Variants in AXDND1 observed in about 807,000 individuals in gnomAD.
The protein encoded by AXDND1 is axonemal dynein light chain domain containing 1, also known as axonemal dynein light chain domain-containing protein 1.
AXDND1 carries 110 observed loss-of-function variants against 137.5 expected under a neutral mutation model. That is an observed-to-expected ratio of 0.80 (90% CI 0.69 to 0.94). The LOEUF is 0.94. Among genes scored for constraint, AXDND1 ranks in the 40% least tolerant of loss-of-function variants. The pLI is 0.00. For missense variants in AXDND1, 1,191 were observed against 1,169.8 expected (o/e 1.02, Z -0.26); for synonymous variants, 414 against 399.7 (o/e 1.04, Z -0.43).
chr1:179,390,466 T>C (rs547027680), intron 9 of AXDND1, among the ~76,000 whole-genome samples: 63 of 152,350 alleles, frequency 4.1e-4, no homozygotes, highest in African/African-American at 1.5e-3. Context: ...TAAATAGTTG[T>C]CGTTTTACAT....
intron 11 of AXDND1, among the ~76,000 whole-genome samples, chr1:179,396,935 C>T (rs1484416450): frequency 6.6e-6 from 1 of 152,160 alleles, no homozygotes; most frequent in East Asian, 1.9e-4. Context: ...TTTCTTTATC[C>T]AGCCTGCAAC....
chr1:179,421,298 G>A (rs1354755853), intron 12 of AXDND1, among the ~76,000 whole-genome samples: 1 of 146,566 alleles, frequency 6.8e-6, no homozygotes, highest in East Asian at 2.0e-4. Context: ...TTGGTTATTT[G>A]GGGTCTTTTG....
chr1:179,412,975 G>T (rs1274266653), intron 12 of AXDND1, among the ~76,000 whole-genome samples: 1 of 152,006 alleles, frequency 6.6e-6, no homozygotes, highest in Non-Finnish European at 1.5e-5. Context: ...TTTGTTTAGA[G>T]TTTAATCATA....
chr1:179,505,973 T>C (rs1243404222), intron 20 of AXDND1, among the ~76,000 whole-genome samples: 4 of 152,190 alleles, frequency 2.6e-5, no homozygotes, highest in Non-Finnish European at 4.4e-5. Context: ...ACTGATGTCA[T>C]TGTATAGCAA....
chr1:179,543,154 G>T (rs1044558702), intron 25 of AXDND1: 1 of 152,184 alleles, frequency 6.6e-6, no homozygotes, highest in African/African-American at 2.4e-5. Flanking sequence ...TTGTGGTAAC[G>T]GCAGGAGCCT....
chr1:179,548,045 TGGTGGGAATCAAAAACA>T (rs371062675), intron 25 of AXDND1, among the ~76,000 whole-genome samples: 47 of 152,288 alleles, frequency 3.1e-4, no homozygotes, highest in African/African-American at 9.6e-4. Flanking sequence ...TGTTATATCA[TGGTGGGAATCAAAAACA>T]GGAGACCATA....
intron 2 of AXDND1, 77 bp from the exon 3 acceptor site, chr1:179,368,723 G>T: frequency 8.6e-7 from 1 of 1,168,884 alleles, no homozygotes; most frequent in Non-Finnish European, 1.2e-6. Context: ...AGATGGGATT[G>T]ATGAGGCAGT....
intron 12 of AXDND1, among the ~76,000 whole-genome samples, chr1:179,415,310 C>T (rs2125239059): frequency 6.6e-6 from 1 of 152,244 alleles, no homozygotes; most frequent in African/African-American, 2.4e-5. Context: ...CCACTGCACT[C>T]CAGCCTGGGC....
chr1:179,395,140 G>A lies in AXDND1; in HGVS notation c.1047G>A (p.Lys349=), dbSNP rs1650845430. 1 of 1,613,374 alleles carries A rather than the reference G, an allele frequency of 6.2e-7. No individual in the cohort carries two copies. ...GGGCACATGATGTGAAATTAACAAA[G>A]GAAACAGAAAAAGCCCACAAGGATT... ...LVRAHDVKLT[K]ETEKAHKDLA... Residue 349 remains lysine, a synonymous_variant, in exon 11 of 26, where the codon AAG becomes AAA. Transcript: ENST00000367618.
chr1:179,416,097 C>G (rs1654661334), intron 12 of AXDND1, among the ~76,000 whole-genome samples: 1 of 152,146 alleles, frequency 6.6e-6, no homozygotes, highest in Admixed American at 6.6e-5. Context: ...TTCTCTCTCT[C>G]CTACCCTTCC....
chr1:179,451,441 A>C (rs911210217), intron 16 of AXDND1: 1 of 151,896 alleles, frequency 6.6e-6, no homozygotes, highest in Non-Finnish European at 1.5e-5. Context: ...TTGAGTCTTA[A>C]TTTTTTCTTG....
At chr1:179,508,761 G>A (rs1387134831) in intron 20 of AXDND1, among the ~76,000 whole-genome samples, 2 of 151,842 alleles carry the variant, frequency 1.3e-5, no homozygotes, top group Non-Finnish European at 1.5e-5. Context: ...TAGAATCCAA[G>A]CATCATACTT....
At chr1:179,507,026 A>G (rs1668605262) in intron 20 of AXDND1, 2 of 444,774 alleles carry the variant, frequency 4.5e-6, no homozygotes, top group South Asian at 9.3e-5. Flanking sequence ...CTGGTACCCT[A>G]TAAAAGACTC....
intron 16 of AXDND1, among the ~76,000 whole-genome samples, chr1:179,458,383 A>G (rs935936544): frequency 6.6e-6 from 1 of 152,200 alleles, no homozygotes; most frequent in Non-Finnish European, 1.5e-5. Flanking sequence ...TTAGAACAAT[A>G]TGGAAAATCC....
intron 17 of AXDND1, among the ~76,000 whole-genome samples, chr1:179,474,182 A>C (rs1321319205): frequency 6.7e-6 from 1 of 148,360 alleles, no homozygotes; most frequent in Non-Finnish European, 1.5e-5. Flanking sequence ...CCGAGTTCAC[A>C]CTCCAGCCTG....
At chr1:179,411,085 AT>A (rs1203169216) in intron 11 of AXDND1, 60 bp from the exon 12 acceptor site, 3 of 1,329,916 alleles carry the variant, frequency 2.3e-6, no homozygotes, top group Non-Finnish European at 3.1e-6. Flanking sequence ...TTTTTAAAAA[AT>A]ATATGTGTCT....
intron 25 of AXDND1, chr1:179,545,331 A>G (rs978429347): frequency 6.6e-6 from 1 of 152,174 alleles, no homozygotes; most frequent in Non-Finnish European, 1.5e-5. Context: ...TAGAGTCCCC[A>G]TCTTTATTTA....
In AXDND1 at chr1:179,525,351, C is replaced by A. The variant is rs746509366; in HGVS notation, c.2514C>A (p.Phe838Leu). The A allele has an allele frequency of 1.9e-6, 3 of 1,611,006 alleles. No individual in the cohort carries two copies. The highest frequency in any genetic ancestry group is 2.2e-5 in the South Asian group (2 of 90,744). Residue 838 changes from phenylalanine (F) to leucine (L), a missense_variant, in exon 22 of 26, where the codon TTC (phenylalanine) becomes TTA (leucine). Coordinates refer to ENST00000367618, the MANE Select transcript of AXDND1 (RefSeq NM_144696.6). ...TCTCACAGGAGGCTGTAAAAGAATT[C>A]ATTGAGCCTGAAATAGACGAGTCTT... ...RLLEEEAVKE[F>L]IEPEIDESFK...
In AXDND1 at chr1:179,366,589, C is replaced by G. The variant is rs749986272; in HGVS notation, c.80C>G (p.Ala27Gly). 3 of 1,612,322 alleles carry G rather than the reference C, an allele frequency of 1.9e-6. No individual in the cohort carries two copies. Among genetic ancestry groups the G allele is most frequent in the Admixed American group, 3.3e-5 (2 of 59,976 alleles). ...SESKKLKVSV[A>G]KEGTRGLPEL... is the part of the protein sequence containing the mutation. ...AGCAAAAAGTTAAAAGTGTCTGTAG[C>G]CAAGGAAGGGACAAGAGGTAAACTT... Residue 27 changes from alanine to glycine, a missense_variant, in exon 2 of 26, where the codon GCC becomes GGC. Physicochemically the swap from Ala to Gly is moderately conservative, Grantham distance 60. Coordinates refer to ENST00000367618, the MANE Select transcript of AXDND1 (RefSeq NM_144696.6).
Sources: gnomAD v4.1 joint callset for allele counts (sites outside exome capture counted in the v4.1 genomes callset) on GRCh38, gnomAD v4.1.1 for gene constraint, MANE v1.5 for transcripts, NCBI Gene and HGNC (gene_info 2026-07-23, HGNC 2026-07-21) for gene names.